PRKN: variants seen among roughly 807,000 people sequenced by gnomAD.
The protein encoded by PRKN is E3 ubiquitin-protein ligase parkin.
In PRKN, 56 loss-of-function variants were observed where a neutral mutation model predicts 59.5. The observed-to-expected ratio is 0.94, with a 90% CI of 0.76 to 1.18. PRKN has a LOEUF of 1.18. PRKN is among the 50% of genes most tolerant of loss of function. The pLI is 0.00. For synonymous variants in PRKN, 250 were observed against 222.1 expected (o/e 1.13, Z -1.12); for missense variants, 657 against 596.4 (o/e 1.10, Z -1.06).
chr6:161,349,978 TGAA>T lies in PRKN; in HGVS notation c.*118_*120del. The T allele has an allele frequency of 1.4e-6, 1 of 734,874 alleles. No homozygotes were observed. The highest frequency in any genetic ancestry group is 2.4e-6 in the Non-Finnish European group (1 of 416,754). 45.5% of individuals were successfully genotyped at this position (734,874 alleles called of 1,614,324 possible). The stretch of plus-strand genomic sequence containing the variant: ...CTGTAGTTGGACTTTGAAAAAAACT[TGAA>T]GAGTGTGTGTGCGCGCGCGCGCGTG... On this transcript the variant is annotated 3_prime_UTR_variant, in exon 12 of 12. Coordinates refer to ENST00000366898, the MANE Select transcript of PRKN (RefSeq NM_004562.3). The surrounding 1 kb of genome is among the most constrained non-coding windows in gnomAD (Gnocchi z 5.5).
At chr6:161,726,244 T>G (rs1237297219) in intron 7 of PRKN, among the ~76,000 whole-genome samples, 1 of 152,244 alleles carries the variant, frequency 6.6e-6, no homozygotes, top group Non-Finnish European at 1.5e-5. Context: ...ATGTGTCATA[T>G]CATTCAATGT....
chr6:162,118,144 G>A (rs1431783000), intron 4 of PRKN, among the ~76,000 whole-genome samples: 1 of 151,992 alleles, frequency 6.6e-6, no homozygotes, highest in Non-Finnish European at 1.5e-5. Context: ...GGGCGCAGTG[G>A]CTCACGCCTG....
chr6:162,298,385 G>C (rs749170306), intron 2 of PRKN, among the ~76,000 whole-genome samples: 1 of 151,970 alleles, frequency 6.6e-6, no homozygotes, highest in Admixed American at 6.6e-5. Flanking sequence ...TAACAGCTTC[G>C]CACCATGAAT....
Position 161,493,540 on chromosome 6 carries a change from T to C in PRKN, c.1083+55314A>G, listed in dbSNP as rs1457890664. Among the ~76,000 whole-genome samples the C allele has an allele frequency of 3.3e-5, 5 of 152,150 alleles. No homozygotes were observed. In the East Asian group the frequency reaches 9.6e-4, roughly 29 times the overall value. On this transcript the variant is annotated intron_variant, in intron 9 of 11. Transcript: ENST00000366898. ...TTTATCCAGTTGATGAACTGATGGA[T>C]AGATGGACGAACGGAAGGACTAACG...
At chr6:161,958,347 TA>T (rs1780259560) in intron 6 of PRKN, among the ~76,000 whole-genome samples, 1 of 152,168 alleles carries the variant, frequency 6.6e-6, no homozygotes, top group Non-Finnish European at 1.5e-5. Context: ...AGTAGGAAAC[TA>T]AATTTTGAAG....
rs1047932051 is a variant in PRKN at position 161,462,540 on chromosome 6, C to A, written c.1084-75663G>T. ...ATGTGTGTCTTTCTGGAAAAATATT[C>A]TCTGAAGTGAAATGACACCATGATG... is the stretch of plus-strand genomic sequence containing the variant. On this transcript the variant is annotated intron_variant, in intron 9 of 11. Transcript: ENST00000366898. The surrounding 1 kb of genome is among the most constrained non-coding windows in gnomAD (Gnocchi z 4.5). 6.6e-6 allele frequency among the ~76,000 whole-genome samples: 1 copy of A among 152,172 alleles called. No individual in the cohort carries two copies. The highest frequency in any genetic ancestry group is 1.5e-5 in the Non-Finnish European group (1 of 68,032).
intron 7 of PRKN, among the ~76,000 whole-genome samples, chr6:161,779,944 T>C: frequency 6.6e-6 from 1 of 152,188 alleles, no homozygotes; most frequent in East Asian, 1.9e-4. Context: ...CATGTTTCTC[T>C]GTAAATATAC....
intron 3 of PRKN, among the ~76,000 whole-genome samples, chr6:162,258,452 C>T (rs756605754): frequency 6.6e-6 from 1 of 152,204 alleles, no homozygotes; most frequent in Non-Finnish European, 1.5e-5. Context: ...ATTTAGGAAA[C>T]ACCAATAACA....
intron 6 of PRKN, among the ~76,000 whole-genome samples, chr6:161,856,937 T>C (rs544626764): frequency 6.7e-6 from 1 of 149,766 alleles, no homozygotes; most frequent in East Asian, 2.0e-4. Context: ...AGATAAAAAG[T>C]TGACATTTTT....
intron 4 of PRKN, among the ~76,000 whole-genome samples, chr6:162,177,476 A>T (rs1411263605): frequency 6.6e-6 from 1 of 152,190 alleles, no homozygotes; most frequent in African/African-American, 2.4e-5. Flanking sequence ...CATAAAATTT[A>T]ATTTGAAAGC....
chr6:161,520,566 GA>G (rs1034342735), intron 9 of PRKN, among the ~76,000 whole-genome samples: 9 of 150,216 alleles, frequency 6.0e-5, no homozygotes, highest in Admixed American at 2.0e-4. Context: ...CTAGGAGGAG[GA>G]AAAAAAAATC....
In PRKN at chr6:161,530,824, T is replaced by C. The variant is rs1779177553; in HGVS notation, c.1083+18030A>G. On this transcript the variant is annotated intron_variant, in intron 9 of 11. Coordinates refer to ENST00000366898, the MANE Select transcript of PRKN (RefSeq NM_004562.3). This position sits in a 1 kb window ranked among gnomAD's most constrained non-coding sequence, Gnocchi z 5.0. ...TGAGCCACCACACCTGGCCCAAGGC[T>C]TGCTTCTTTTAAGAGAAAAAGGCTG... 6.6e-6 allele frequency among the ~76,000 whole-genome samples: 1 copy of C among 152,110 alleles called. No individual in the cohort carries two copies. Among genetic ancestry groups the C allele is most frequent in the Non-Finnish European group, 1.5e-5 (1 of 68,024 alleles).
At chr6:161,711,890 TG>T (rs1786764355) in intron 7 of PRKN, among the ~76,000 whole-genome samples, 1 of 152,174 alleles carries the variant, frequency 6.6e-6, no homozygotes, top group Non-Finnish European at 1.5e-5. Flanking sequence ...CAGGGGCTAT[TG>T]GGCCTTCAGC....
chr6:161,687,376 G>A (rs1785597234), intron 7 of PRKN, among the ~76,000 whole-genome samples: 2 of 73,540 alleles, frequency 2.7e-5, no homozygotes, highest in Non-Finnish European at 4.6e-5. Flanking sequence ...GAGACAGAGA[G>A]AGACTCCATC....
intron 2 of PRKN, among the ~76,000 whole-genome samples, chr6:162,436,477 G>C (rs1278260116): frequency 6.6e-6 from 1 of 151,436 alleles, no homozygotes; most frequent in Non-Finnish European, 1.5e-5. Context: ...GATTACAGGT[G>C]ATTTTTGTAT....
At position 161,470,846 on chromosome 6, in the gene PRKN, G is replaced by T. The variant is rs747681144; in HGVS notation, c.1083+78008C>A. Among the ~76,000 whole-genome samples the T allele has an allele frequency of 2.6e-5, 4 of 152,296 alleles. No individual in the cohort carries two copies. The highest frequency in any genetic ancestry group is 4.4e-5 in the Non-Finnish European group (3 of 68,024). On this transcript the variant is annotated intron_variant, in intron 9 of 11. Coordinates refer to ENST00000366898, the MANE Select transcript of PRKN (RefSeq NM_004562.3). The surrounding 1 kb of genome is among the most constrained non-coding windows in gnomAD (Gnocchi z 5.1). Reference sequence around the variant, plus strand: ...GATGAATCTGAGATTTGTGGGCTGGGTGTCTGCCTATGTGTGTGCAGAGAA... The same window carrying T: ...GATGAATCTGAGATTTGTGGGCTGGTTGTCTGCCTATGTGTGTGCAGAGAA...
At chr6:161,830,890 G>C (rs1440494158) in intron 6 of PRKN, among the ~76,000 whole-genome samples, 1 of 152,114 alleles carries the variant, frequency 6.6e-6, no homozygotes, top group African/African-American at 2.4e-5. Flanking sequence ...GGAGAAGAAA[G>C]AGGTGCAGCC....
At chr6:162,295,174 AGCTCTTCCAAATGCTGGTC>A (rs1781610786) in intron 2 of PRKN, among the ~76,000 whole-genome samples, 1 of 152,142 alleles carries the variant, frequency 6.6e-6, no homozygotes, top group African/African-American at 2.4e-5. Flanking sequence ...AACATCAGGG[AGCTCTTCCAAATGCTGGTC>A]GCTCGGTACC....
chr6:161,822,924 T>A (rs962612177), intron 6 of PRKN, among the ~76,000 whole-genome samples: 6 of 152,188 alleles, frequency 3.9e-5, no homozygotes, highest in African/African-American at 9.7e-5. Context: ...CCAATTTTTT[T>A]AACTGGTTTA....
Sources: allele counts gnomAD v4.1 joint callset (sites outside exome capture counted in the v4.1 genomes callset), GRCh38; gene constraint gnomAD v4.1.1; non-coding constraint Gnocchi (gnomAD v3.1); transcripts MANE v1.5; gene names NCBI Gene and HGNC (gene_info 2026-07-23, HGNC 2026-07-21).